GPC4: variants seen among roughly 807,000 people sequenced by gnomAD.
GPC4 encodes glypican-4.
Under a neutral mutation model 35.0 loss-of-function variants are expected in GPC4, and 10 were observed. The observed-to-expected ratio is 0.29, with a 90% confidence interval of 0.18 to 0.48. GPC4 has a LOEUF of 0.48. Among genes scored for constraint, GPC4 ranks in the 20% least tolerant of loss-of-function variants. The pLI is 0.99. For missense variants in GPC4, 322 were observed against 451.3 expected, an observed-to-expected ratio of 0.71 and a Z score of 2.60; for synonymous variants, 167 against 170.2, an observed-to-expected ratio of 0.98 and a Z score of 0.15.
chrX:133,315,210 T>G (rs1236044258), intron 3 of GPC4, among the ~76,000 whole-genome samples: 2 of 109,926 alleles, frequency 1.8e-5, no homozygotes, highest in African/African-American at 6.6e-5. Context: ...TGAGCATTTC[T>G]TTAAGCATCA....
At chrX:133,356,897 GC>G (rs1193758973) in intron 1 of GPC4, among the ~76,000 whole-genome samples, 2 of 111,206 alleles carry the variant, frequency 1.8e-5, no homozygotes, top group Non-Finnish European at 3.8e-5. Flanking sequence ...CTTGTCTGGA[GC>G]ATGATTTACT....
intron 1 of GPC4, among the ~76,000 whole-genome samples, chrX:133,384,877 T>C (rs1603091139): frequency 8.9e-6 from 1 of 111,911 alleles, no homozygotes; most frequent in East Asian, 2.8e-4. Flanking sequence ...AAACACTCTC[T>C]CTGCATAGTC....
Position 133,414,989 on chromosome X carries a change from T to C in GPC4, c.-24A>G. The C allele has an allele frequency of 8.3e-7, 1 of 1,199,028 alleles. No homozygotes were observed. The highest frequency in any genetic ancestry group is 1.1e-6 in the Non-Finnish European group (1 of 887,918). ...ATGGTGCGGGCCGGGGCGGACGCGT[T>C]CCCACCTTTGGGACCGGACGGGAAG... On this transcript the variant is annotated 5_prime_UTR_variant, in exon 1 of 9. Transcript: ENST00000370828.
At chrX:133,397,714 G>A (rs12687533) in intron 1 of GPC4, among the ~76,000 whole-genome samples, 46,690 of 110,558 alleles carry the variant, frequency 0.42, 8,287 homozygotes, top group African/African-American at 0.68. Flanking sequence ...TAGAGCCATT[G>A]TAAGAGAAAT....
At chrX:133,378,054 C>T (rs1199962688) in intron 1 of GPC4, among the ~76,000 whole-genome samples, 2 of 108,490 alleles carry the variant, frequency 1.8e-5, no homozygotes, top group African/African-American at 6.7e-5. Context: ...ACCACCACAC[C>T]CAGCTAATTT....
chrX:133,311,181 G>C, intron 4 of GPC4, 77 bp downstream of exon 4: 1 of 1,017,833 alleles, frequency 9.8e-7, no homozygotes, highest in Non-Finnish European at 1.4e-6. Context: ...AAATTTCATA[G>C]CTGCCAATTA....
At chrX:133,316,731 C>T (rs1041450901) in intron 3 of GPC4, among the ~76,000 whole-genome samples, 1 of 111,116 alleles carries the variant, frequency 9.0e-6, no homozygotes, top group Non-Finnish European at 1.9e-5. Context: ...TTCAAGGTGC[C>T]GCAGGTGAGA....
chrX:133,413,778 G>C (rs1300068756), intron 1 of GPC4, among the ~76,000 whole-genome samples: 4 of 112,392 alleles, frequency 3.6e-5, no homozygotes. Context: ...CCGCTGCTAA[G>C]AAGACAGTGC....
rs372676589 is a variant in GPC4, at chrX:133,392,020, G to A, written c.160+22786C>T. On this transcript the variant is annotated intron_variant, in intron 1 of 8. Transcript: ENST00000370828. ...GGCCAAGGCTGGTGGATCACCTGAGGTCAGGAGTTCGAGACCAGCCTGGGC... is the reference window on the plus strand; with the variant it reads ...GGCCAAGGCTGGTGGATCACCTGAGATCAGGAGTTCGAGACCAGCCTGGGC... Among the ~76,000 whole-genome samples, 151 of 110,481 alleles carry A rather than the reference G, an allele frequency of 1.4e-3. 4 individuals carry two copies. In the South Asian group the frequency reaches 0.058, roughly 42 times the overall value.
intron 1 of GPC4, among the ~76,000 whole-genome samples, chrX:133,347,247 A>ATTTTTT (rs2068495422): frequency 4.4e-5 from 1 of 22,785 alleles, no homozygotes; most frequent in Non-Finnish European, 6.8e-5. Flanking sequence ...TTCTATTAGA[A>ATTTTTT]GTTTTTTTTT....
At chrX:133,345,289 A>T (rs1468257887) in intron 1 of GPC4, among the ~76,000 whole-genome samples, 1 of 112,235 alleles carries the variant, frequency 8.9e-6, no homozygotes, top group Non-Finnish European at 1.9e-5. Flanking sequence ...TTTGAAAACA[A>T]GGAGGCATTA....
At chrX:133,305,975 AGGCGGG>A in intron 5 of GPC4, 43 bp downstream of exon 5, 1 of 1,209,648 alleles carries the variant, frequency 8.3e-7, no homozygotes, top group Non-Finnish European at 1.1e-6. Context: ...CGGGAGGCGG[AGGCGGG>A]GGAGGTCCCT....
chrX:133,343,299 TC>T (rs750013614), intron 1 of GPC4, among the ~76,000 whole-genome samples: 1 of 111,796 alleles, frequency 8.9e-6, no homozygotes, highest in East Asian at 2.8e-4. Flanking sequence ...TAATTCAATC[TC>T]CTGCTTCCAT....
chrX:133,323,911 A>C (rs1290106972), intron 3 of GPC4, among the ~76,000 whole-genome samples: 1 of 111,576 alleles, frequency 9.0e-6, no homozygotes, highest in Non-Finnish European at 1.9e-5. Context: ...ATAGCTACAA[A>C]AAAACCCCAC....
chrX:133,356,694 T>A (rs2068543056), intron 1 of GPC4, among the ~76,000 whole-genome samples: 2 of 111,547 alleles, frequency 1.8e-5, no homozygotes, highest in South Asian at 7.6e-4. Context: ...ACAATATGCT[T>A]CTTGTACAGC....
intron 1 of GPC4, among the ~76,000 whole-genome samples, chrX:133,392,866 C>T (rs1345479260): frequency 9.1e-6 from 1 of 110,208 alleles, no homozygotes; most frequent in East Asian, 2.9e-4. Context: ...GGAAAGAAGC[C>T]GTTGGATGAT....
intron 1 of GPC4, 149 bp downstream of exon 1, chrX:133,414,657 C>T: frequency 9.1e-7 from 1 of 1,104,826 alleles, no homozygotes. Context: ...GGCTCTCTCG[C>T]TCGCTCGCTC....
intron 1 of GPC4, among the ~76,000 whole-genome samples, chrX:133,406,950 C>T (rs1213293541): frequency 9.2e-6 from 1 of 108,209 alleles, no homozygotes; most frequent in Admixed American, 1.0e-4. Flanking sequence ...GCAGCACACA[C>T]CTGTAGTCCC....
chrX:133,317,777 G>A (rs1416150143), intron 3 of GPC4, among the ~76,000 whole-genome samples: 1 of 111,680 alleles, frequency 9.0e-6, no homozygotes, highest in Admixed American at 9.5e-5. Context: ...CCAGAATTAC[G>A]GTAAGAGTGA....
Sources: gnomAD v4.1 joint callset for allele counts (sites outside exome capture counted in the v4.1 genomes callset) on GRCh38, gnomAD v4.1.1 for gene constraint, MANE v1.5 for transcripts, NCBI Gene and HGNC (gene_info 2026-07-23, HGNC 2026-07-21) for gene names.